The following PRKG1 variants were observed in gnomAD, a reference collection of about 807,000 sequenced individuals.
The protein encoded by PRKG1 is protein kinase cGMP-dependent 1.
Under a neutral mutation model 88.1 loss-of-function variants are expected in PRKG1, and 35 were observed. The observed-to-expected ratio is 0.40, with a 90% CI of 0.30 to 0.53. The LOEUF is 0.53. Ranked by LOEUF, PRKG1 falls within the 20% of genes least tolerant of loss-of-function variation. The pLI is 0.59. For synonymous variants in PRKG1, 303 were observed against 292.5 expected, an observed-to-expected ratio of 1.04 and a Z score of -0.37; for missense variants, 540 against 839.8, an observed-to-expected ratio of 0.64 and a Z score of 4.41.
At position 51,288,120 on chromosome 10, in the gene PRKG1, T is replaced by A. The variant is rs574426259; in HGVS notation, c.478+134790T>A. Among the ~76,000 whole-genome samples, 1,122 of 151,822 alleles carry A rather than the reference T, an allele frequency of 7.4e-3. 10 individuals are homozygous for A. Among genetic ancestry groups the A allele is most frequent in the African/African-American group, 0.025 (1,059 of 41,534 alleles). ...GAGGATTTTTTTCTTCCTATTTTTT[T>A]ATTTTTTAAATTTTTTAATTTTTAT... is the stretch of plus-strand genomic sequence containing the variant. On this transcript the variant is annotated intron_variant, in intron 2 of 17. Coordinates refer to ENST00000373980, the MANE Select transcript of PRKG1 (RefSeq NM_006258.4).
rs75725946 is a variant in PRKG1 at position 51,848,395 on chromosome 10, C to T, written c.698+43705C>T. 7.0e-3 allele frequency among the ~76,000 whole-genome samples: 1,062 copies of T among 152,178 alleles called. 16 individuals are homozygous for T. The highest frequency in any genetic ancestry group is 0.023 in the African/African-American group (951 of 41,512). Reference sequence around the variant, plus strand: ...CAGCCTATTTTATGGTTCCCGCACCCGTCTTTTTTGTTTCTTTTCAATATC... The same window carrying T: ...CAGCCTATTTTATGGTTCCCGCACCTGTCTTTTTTGTTTCTTTTCAATATC... On this transcript the variant is annotated intron_variant, in intron 4 of 17. Coordinates refer to ENST00000373980, the MANE Select transcript of PRKG1 (RefSeq NM_006258.4).
intron 3 of PRKG1, among the ~76,000 whole-genome samples, chr10:51,560,564 C>T (rs2132147361): frequency 6.6e-6 from 1 of 152,100 alleles, no homozygotes; most frequent in South Asian, 2.1e-4. Flanking sequence ...TACCATGCCC[C>T]ATGCCCAGTT....
At chr10:51,408,602 G>A (rs1218702777) in intron 2 of PRKG1, among the ~76,000 whole-genome samples, 1 of 152,192 alleles carries the variant, frequency 6.6e-6, no homozygotes, top group African/African-American at 2.4e-5. Context: ...CCAAGGGATG[G>A]TGCCATATCG....
intron 7 of PRKG1, among the ~76,000 whole-genome samples, chr10:52,086,947 G>GA (rs1309104049): frequency 6.6e-6 from 1 of 152,138 alleles, no homozygotes; most frequent in Non-Finnish European, 1.5e-5. Context: ...GTAAAAGGGA[G>GA]AAAAGCCCCT....
At chr10:51,240,117 G>A (rs1839112573) in intron 2 of PRKG1, among the ~76,000 whole-genome samples, 1 of 152,158 alleles carries the variant, frequency 6.6e-6, no homozygotes, top group South Asian at 2.1e-4. Context: ...TACCTTGCCA[G>A]CCACATCATA....
intron 12 of PRKG1, among the ~76,000 whole-genome samples, chr10:52,280,141 T>C (rs1478159699): frequency 1.3e-5 from 2 of 152,142 alleles, no homozygotes; most frequent in South Asian, 4.1e-4. Context: ...TGTCTTTTAG[T>C]CCATCTTTTC....
chr10:52,216,886 T>C (rs1382559439), intron 9 of PRKG1, among the ~76,000 whole-genome samples: 2 of 152,218 alleles, frequency 1.3e-5, no homozygotes, highest in Non-Finnish European at 2.9e-5. Flanking sequence ...ATGGAAGCTT[T>C]CTTTTACTAG....
chr10:51,222,131 C>T (rs1589256458), intron 2 of PRKG1, among the ~76,000 whole-genome samples: 1 of 124,520 alleles, frequency 8.0e-6, no homozygotes. Flanking sequence ...CGCCCCCCCC[C>T]GACCCCAGCC....
At chr10:51,750,150 G>A (rs1436842176) in intron 3 of PRKG1, among the ~76,000 whole-genome samples, 1 of 151,940 alleles carries the variant, frequency 6.6e-6, no homozygotes, top group Non-Finnish European at 1.5e-5. Context: ...TGGCCAGGCT[G>A]GTCTCGAACT....
At chr10:51,916,710 A>T (rs1025458879) in intron 5 of PRKG1, among the ~76,000 whole-genome samples, 8 of 152,170 alleles carry the variant, frequency 5.3e-5, no homozygotes, top group Non-Finnish European at 7.3e-5. Context: ...CTATACAAAA[A>T]CTTACACACA....
intron 3 of PRKG1, among the ~76,000 whole-genome samples, chr10:51,639,198 G>T (rs76845610): frequency 0.017 from 2,591 of 152,094 alleles, 85 homozygotes; most frequent in African/African-American, 0.06. Flanking sequence ...ACTTTGTGAG[G>T]CAGAGGTGGG....
At chr10:52,268,818 G>A (rs1375684838) in intron 10 of PRKG1, among the ~76,000 whole-genome samples, 1 of 152,012 alleles carries the variant, frequency 6.6e-6, no homozygotes, top group African/African-American at 2.4e-5. Context: ...CTATTCAGTA[G>A]AGATTGCTGG....
At chr10:51,652,958 CAT>C (rs140087634) in intron 3 of PRKG1, among the ~76,000 whole-genome samples, 1,684 of 152,278 alleles carry the variant, frequency 0.011, 31 homozygotes, top group African/African-American at 0.038. Context: ...TAAGTGAAAT[CAT>C]GTGGTATTTG....
At chr10:51,160,487 A>C (rs1846330834) in intron 2 of PRKG1, among the ~76,000 whole-genome samples, 1 of 152,182 alleles carries the variant, frequency 6.6e-6, no homozygotes, top group South Asian at 2.1e-4. Context: ...TGAAACTTCA[A>C]ATTTGTTAAA....
chr10:51,507,774 G>T (rs1242017343), intron 3 of PRKG1, among the ~76,000 whole-genome samples: 1 of 152,060 alleles, frequency 6.6e-6, no homozygotes, highest in African/African-American at 2.4e-5. Flanking sequence ...CTTTGGAAAA[G>T]GAAGGCTAGA....
chr10:51,026,398 A>T (rs1843206433), intron 1 of PRKG1, among the ~76,000 whole-genome samples: 1 of 152,184 alleles, frequency 6.6e-6, no homozygotes, highest in African/African-American at 2.4e-5. Context: ...TCAACCTCTT[A>T]CATTAGCTAG....
chr10:51,222,752 G>C (rs143200959), intron 2 of PRKG1, among the ~76,000 whole-genome samples: 287 of 152,196 alleles, frequency 1.9e-3, no homozygotes, highest in African/African-American at 6.5e-3. Flanking sequence ...AGTACTTCAT[G>C]AGAAGAGGCC....
At chr10:52,261,430 ATCC>A (rs1841429293) in intron 10 of PRKG1, among the ~76,000 whole-genome samples, 1 of 151,986 alleles carries the variant, frequency 6.6e-6, no homozygotes, top group African/African-American at 2.4e-5. Context: ...CTACTTTTCT[ATCC>A]TCCTTTCTTT....
chr10:51,209,218 C>T (rs1430571253), intron 2 of PRKG1, among the ~76,000 whole-genome samples: 1 of 152,066 alleles, frequency 6.6e-6, no homozygotes. Flanking sequence ...TCCTTTTCTC[C>T]TGTAAAGTGT....
Sources: gnomAD v4.1 joint callset for allele counts (sites outside exome capture counted in the v4.1 genomes callset) on GRCh38, gnomAD v4.1.1 for gene constraint, MANE v1.5 for transcripts, NCBI Gene and HGNC (gene_info 2026-07-23, HGNC 2026-07-21) for gene names.